The following TGS1 variants were observed in gnomAD, a reference collection of about 807,000 sequenced individuals.
The protein encoded by TGS1 is trimethylguanosine synthase.
In TGS1, 69 loss-of-function variants were observed where a neutral mutation model predicts 92.2. The ratio of observed to expected loss-of-function variants is 0.75; its 90% confidence interval spans 0.62 to 0.91. The LOEUF (loss-of-function observed/expected upper bound fraction) is 0.91. Ranked by LOEUF, TGS1 falls within the 40% of genes least tolerant of loss-of-function variation. TGS1 has a pLI of 0.00. For missense variants in TGS1, 1,062 were observed against 1,001.2 expected, an observed-to-expected ratio of 1.06 and a Z score of -0.82; for synonymous variants, 345 against 338.1, an observed-to-expected ratio of 1.02 and a Z score of -0.22.
At chr8:55,814,108 C>G (rs1803407526) in intron 12 of TGS1, among the ~76,000 whole-genome samples, 2 of 152,034 alleles carry the variant, frequency 1.3e-5, no homozygotes, top group African/African-American at 4.8e-5. Context: ...GCACCATGCC[C>G]AGCTAGTTTT....
At chr8:55,791,751 A>G (rs966242075) in intron 5 of TGS1, among the ~76,000 whole-genome samples, 31 of 152,214 alleles carry the variant, frequency 2.0e-4, no homozygotes, top group African/African-American at 5.5e-4. Context: ...TTTGTGTTTT[A>G]TAACCAAATA....
At chr8:55,823,220 C>A (rs1765299173) in intron 12 of TGS1, among the ~76,000 whole-genome samples, 1 of 152,104 alleles carries the variant, frequency 6.6e-6, no homozygotes, top group Non-Finnish European at 1.5e-5. Context: ...AAGTACTGAA[C>A]CAAAACAAAA....
chr8:55,802,162 C>G (rs1159557698), intron 8 of TGS1, among the ~76,000 whole-genome samples: 1 of 152,102 alleles, frequency 6.6e-6, no homozygotes, highest in Non-Finnish European at 1.5e-5. Flanking sequence ...CCACTGCACT[C>G]CAGCATGGGT....
At chr8:55,788,933 T>C (rs539752669) in intron 4 of TGS1, among the ~76,000 whole-genome samples, 1 of 152,304 alleles carries the variant, frequency 6.6e-6, no homozygotes, top group Non-Finnish European at 1.5e-5. Flanking sequence ...TCTGCCTGCT[T>C]TTTTCTTTGG....
intron 4 of TGS1, among the ~76,000 whole-genome samples, chr8:55,789,887 T>C (rs1811824316): frequency 6.6e-6 from 1 of 152,226 alleles, no homozygotes. Context: ...ACAGTCTTTT[T>C]ATACCACCAG....
chr8:55,785,776 A>G lies in TGS1; in HGVS notation c.224A>G (p.His75Arg), dbSNP rs767018953. 3.6e-5 allele frequency: 58 copies of G among 1,613,692 alleles called. No homozygotes were observed. Among genetic ancestry groups the G allele is most frequent in the East Asian group, 8.9e-5 (4 of 44,882 alleles). Residue 75 changes from histidine to arginine, a missense_variant, in exon 3 of 13, where the codon CAT becomes CGT. By Grantham distance (29) the His-to-Arg change is conservative. Coordinates refer to ENST00000260129, the MANE Select transcript of TGS1 (RefSeq NM_024831.8). ...GGYSCGTAESHDSKGIGLDES... is the reference protein window; with the variant it reads ...GGYSCGTAESRDSKGIGLDES... ...TATTCCTGTGGTACTGCAGAATCAC[A>G]TGACAGCAAAGGCATAGGCCTGGAT...
At chr8:55,780,764 C>T (rs895602174) in intron 1 of TGS1, among the ~76,000 whole-genome samples, 22 of 152,160 alleles carry the variant, frequency 1.4e-4, no homozygotes, top group Non-Finnish European at 2.8e-4. Context: ...TCCCTTCTCT[C>T]CCCATGTATT....
intron 12 of TGS1, among the ~76,000 whole-genome samples, chr8:55,814,674 A>AATATATATATATAT (rs1040682059): frequency 3.2e-5 from 4 of 123,334 alleles, no homozygotes; most frequent in African/African-American, 1.4e-4. Context: ...AAAAAAAAAA[A>AATATATATATATAT]ATATATATAT....
chr8:55,794,476 G>A (rs1365579012), intron 6 of TGS1, among the ~76,000 whole-genome samples: 2 of 152,178 alleles, frequency 1.3e-5, no homozygotes, highest in Admixed American at 1.3e-4. Context: ...TACAAATAAA[G>A]CAACAGTGCA....
chr8:55,795,399 T>A (rs1812009476), intron 6 of TGS1, among the ~76,000 whole-genome samples: 2 of 152,184 alleles, frequency 1.3e-5, no homozygotes, highest in Admixed American at 1.3e-4. Context: ...CACTCTTAAG[T>A]CCCTAACAGT....
chr8:55,789,342 CA>C (rs2130141666), intron 4 of TGS1, among the ~76,000 whole-genome samples: 1 of 152,312 alleles, frequency 6.6e-6, no homozygotes, highest in African/African-American at 2.4e-5. Context: ...TTGTTACTCT[CA>C]TTATTAATGT....
chr8:55,821,023 GTCTT>G (rs1252515382), intron 12 of TGS1, among the ~76,000 whole-genome samples: 2 of 152,136 alleles, frequency 1.3e-5, no homozygotes. Context: ...AAATTTATAA[GTCTT>G]TCCAACTCCA....
chr8:55,776,035 A>C (rs953348021), intron 1 of TGS1, among the ~76,000 whole-genome samples: 2 of 151,858 alleles, frequency 1.3e-5, no homozygotes, highest in East Asian at 3.9e-4. Flanking sequence ...CGCAGACAAA[A>C]CCCCTCAGAC....
intron 12 of TGS1, among the ~76,000 whole-genome samples, chr8:55,816,803 A>G (rs1391018845): frequency 1.3e-5 from 2 of 152,152 alleles, no homozygotes; most frequent in African/African-American, 4.8e-5. Flanking sequence ...TAATACTTAA[A>G]TAAATGCTAA....
rs553349677 is a variant in TGS1 at position 55,785,624 on chromosome 8, C to T, written c.167-95C>T. Reference sequence around the variant, plus strand: ...AACATTTGCATACCTTTATTTTGGGCGGGTCACTCTGGATCTCAGGTTTTT... The same window carrying T: ...AACATTTGCATACCTTTATTTTGGGTGGGTCACTCTGGATCTCAGGTTTTT... On this transcript the variant is annotated intron_variant, in intron 2 of 12. Coordinates refer to ENST00000260129, the MANE Select transcript of TGS1 (RefSeq NM_024831.8). 9.8e-5 allele frequency: 83 copies of T among 850,006 alleles called. No individual in the cohort carries two copies. The African/African-American group carries it at 1.2e-3, about 12-fold the overall frequency. The allele number at this position is 850,006 out of a possible 1,614,324, so 52.7% of individuals were successfully genotyped here. A position where few individuals can be genotyped will look rare whatever the true frequency, so the allele number is the denominator to read the frequency against.
intron 1 of TGS1, among the ~76,000 whole-genome samples, chr8:55,778,693 T>C (rs1811470165): frequency 6.6e-6 from 1 of 152,234 alleles, no homozygotes; most frequent in Non-Finnish European, 1.5e-5. Context: ...TGTGTGGCCT[T>C]AGGCAAGTCA....
At position 55,786,969 on chromosome 8, in the gene TGS1, C is replaced by G; in HGVS notation, c.1071C>G (p.Cys357Trp). 6.2e-7 allele frequency: 1 copy of G among 1,614,088 alleles called. No homozygotes were observed. The highest frequency in any genetic ancestry group is 8.5e-7 in the Non-Finnish European group (1 of 1,180,010). ...GTGAAGTTAGTAGCAAAAGAGAGTG[C>G]CCTGCTTCCGGCCAAAGTGAACCAC... The part of the protein sequence containing the change: ...QLSEVSSKRE[C>W]PASGQSEPRN... Residue 357 changes from cysteine to tryptophan, a missense_variant, in exon 4 of 13, where the codon TGC becomes TGG. Physicochemically the swap from Cys to Trp is radical, Grantham distance 215. Coordinates refer to ENST00000260129, the MANE Select transcript of TGS1 (RefSeq NM_024831.8).
chr8:55,824,539 T>A, intron 12 of TGS1, 42 bp from the exon 13 acceptor site: 1 of 1,610,768 alleles, frequency 6.2e-7, no homozygotes, highest in Non-Finnish European at 8.5e-7. Flanking sequence ...TTTGAAATTA[T>A]GCTTAGGTGT....
intron 4 of TGS1, among the ~76,000 whole-genome samples, 162 bp downstream of exon 4, chr8:55,787,222 C>A (rs1979130): frequency 0.14 from 20,828 of 152,022 alleles, 1,564 homozygotes; most frequent in African/African-American, 0.2. Context: ...CACAAGTTAT[C>A]CTTTTCTATT....
Sources: gnomAD v4.1 joint callset for allele counts (sites outside exome capture counted in the v4.1 genomes callset) on GRCh38, gnomAD v4.1.1 for gene constraint, MANE v1.5 for transcripts, NCBI Gene and HGNC (gene_info 2026-07-23, HGNC 2026-07-21) for gene names.